TRAPPC10: variants seen among roughly 807,000 people sequenced by gnomAD.
TRAPPC10 encodes the protein trafficking protein particle complex subunit 10.
In TRAPPC10, 23 loss-of-function variants were observed where a neutral mutation model predicts 125.5. The observed-to-expected ratio is 0.18, with a 90% CI of 0.13 to 0.26. The LOEUF is 0.26. TRAPPC10 is among the 10% of genes least tolerant of loss of function. TRAPPC10 has a pLI of 1.00. For missense variants in TRAPPC10, 1,123 were observed against 1,308.4 expected (o/e 0.86, Z 2.19); for synonymous variants, 509 against 518.0 (o/e 0.98, Z 0.24).
chr21:44,071,951 C>T (rs865935529), intron 7 of TRAPPC10, among the ~76,000 whole-genome samples: 1 of 152,146 alleles, frequency 6.6e-6, no homozygotes, highest in South Asian at 2.1e-4. Flanking sequence ...CCTGCCTGCT[C>T]TCTCCCACCT....
At position 44,052,422 on chromosome 21, in the gene TRAPPC10, G is replaced by A; in HGVS notation, c.428G>A (p.Arg143Gln). 1.2e-6 allele frequency: 2 copies of A among 1,613,302 alleles called. No individual in the cohort carries two copies. The highest frequency in any genetic ancestry group is 1.7e-6 in the Non-Finnish European group (2 of 1,179,854). The part of the protein sequence containing the change: ...KKKNKTNILP[R>Q]TSIVDKIRND... ...AAAAACAAAACCAACATCCTTCCCCGAACCTCTATTGTGGACAAAATAAGA... is the reference window on the plus strand; with the variant it reads ...AAAAACAAAACCAACATCCTTCCCCAAACCTCTATTGTGGACAAAATAAGA... Residue 143 changes from arginine (R) to glutamine (Q), a missense_variant, in exon 4 of 23, where the codon CGA (arginine) becomes CAA (glutamine). By Grantham distance (43) the Arg-to-Gln change is conservative. Transcript: ENST00000291574.
At chr21:44,036,224 C>A (rs1319799342) in intron 2 of TRAPPC10, among the ~76,000 whole-genome samples, 1 of 152,152 alleles carries the variant, frequency 6.6e-6, no homozygotes, top group African/African-American at 2.4e-5. Context: ...GAAGAAGAAC[C>A]AAGTAGACAG....
At chr21:44,015,374 T>G (rs2031703134) in intron 1 of TRAPPC10, among the ~76,000 whole-genome samples, 1 of 152,172 alleles carries the variant, frequency 6.6e-6, no homozygotes, top group Non-Finnish European at 1.5e-5. Context: ...GTAATTAGAA[T>G]AGATTATTAC....
intron 3 of TRAPPC10, among the ~76,000 whole-genome samples, chr21:44,038,501 C>T (rs561451371): frequency 6.6e-6 from 1 of 151,952 alleles, no homozygotes; most frequent in East Asian, 2.0e-4. Flanking sequence ...AGGAGGCGCC[C>T]CGTGACTCTC....
rs560661048 is a variant in TRAPPC10, at chr21:44,083,005, G to T, written c.1941G>T (p.Lys647Asn). 224 of 1,614,076 alleles carry T rather than the reference G, an allele frequency of 1.4e-4. 3 individuals are homozygous for T. The South Asian group carries it at 2.4e-3, about 17-fold the overall frequency. Residue 647 changes from lysine (K) to asparagine (N), a missense_variant, in exon 14 of 23, where the codon AAG (lysine) becomes AAT (asparagine). Transcript: ENST00000291574. ...GGAAGACTGCGGAGTGGCTTACCAA[G>T]CACAAGACGTCCAATGGGATCATTA... Reference protein sequence around the residue: ...SYRKTAEWLTKHKTSNGIINF... With the variant: ...SYRKTAEWLTNHKTSNGIINF...
At chr21:44,043,094 A>G (rs1326100677) in intron 3 of TRAPPC10, among the ~76,000 whole-genome samples, 1 of 151,964 alleles carries the variant, frequency 6.6e-6, no homozygotes, top group Admixed American at 6.6e-5. Context: ...TTCTCCACTT[A>G]CTGGGAATGT....
At chr21:44,052,226 A>G (rs2035280299) in intron 3 of TRAPPC10, 54 bp from the exon 4 acceptor site, 1 of 1,452,386 alleles carries the variant, frequency 6.9e-7, no homozygotes, top group Non-Finnish European at 9.3e-7. Context: ...ATTTTGCTGT[A>G]TAAACTAAAG....
chr21:44,086,486 G>A (rs941043843), intron 15 of TRAPPC10, among the ~76,000 whole-genome samples: 2 of 152,122 alleles, frequency 1.3e-5, no homozygotes, highest in Non-Finnish European at 2.9e-5. Context: ...ACTACTAATG[G>A]GCAGGCAAAT....
intron 3 of TRAPPC10, among the ~76,000 whole-genome samples, chr21:44,039,721 T>C (rs1381781497): frequency 6.6e-6 from 1 of 152,050 alleles, no homozygotes; most frequent in Non-Finnish European, 1.5e-5. Context: ...AAAAATTAGC[T>C]GGGCGTGGTG....
chr21:44,078,832 A>G (rs980185900), intron 11 of TRAPPC10, among the ~76,000 whole-genome samples: 5 of 152,204 alleles, frequency 3.3e-5, no homozygotes, highest in African/African-American at 9.7e-5. Flanking sequence ...AGTCCCAGCT[A>G]CAGTGGAGGA....
intron 15 of TRAPPC10, 97 bp from the exon 16 acceptor site, chr21:44,086,705 T>A: frequency 7.5e-7 from 1 of 1,327,348 alleles, no homozygotes; most frequent in Non-Finnish European, 1.1e-6. Context: ...AAATCTTTCA[T>A]AGTAAAAGAA....
In TRAPPC10 at chr21:44,056,102, C is replaced by A. The variant is rs576449863; in HGVS notation, c.678+209C>A. Among the ~76,000 whole-genome samples the A allele has an allele frequency of 3.9e-4, 59 of 152,148 alleles. 1 individual carries two copies. The highest frequency in any genetic ancestry group is 1.3e-3 in the African/African-American group (55 of 41,500). Reference sequence around the variant, plus strand: ...CATGAAAAGGACACACACACTGCCCCGGGGAGCCTCTGGGGGCAAAAGCTG... The same window carrying A: ...CATGAAAAGGACACACACACTGCCCAGGGGAGCCTCTGGGGGCAAAAGCTG... On this transcript the variant is annotated intron_variant, in intron 5 of 22. Transcript: ENST00000291574.
chr21:44,096,164 A>G (rs1284265332), intron 20 of TRAPPC10, among the ~76,000 whole-genome samples: 1 of 18,154 alleles, frequency 5.5e-5, no homozygotes, highest in Non-Finnish European at 1.2e-4. Context: ...CGTGTGGCCC[A>G]TTTTTCTGCC....
At chr21:44,074,895 T>A in intron 8 of TRAPPC10, 144 bp from the exon 9 acceptor site, 1 of 656,922 alleles carries the variant, frequency 1.5e-6, no homozygotes, top group Non-Finnish European at 2.6e-6. Context: ...TAGGATGTAT[T>A]TTTGTATCCA....
intron 6 of TRAPPC10, among the ~76,000 whole-genome samples, chr21:44,061,484 G>A (rs1390665423): frequency 6.6e-6 from 1 of 151,650 alleles, no homozygotes; most frequent in African/African-American, 2.4e-5. Context: ...GGCCAGGCTG[G>A]TCTCGATCTC....
chr21:44,092,525 G>A (rs371053129), intron 19 of TRAPPC10, among the ~76,000 whole-genome samples: 1 of 152,150 alleles, frequency 6.6e-6, no homozygotes, highest in African/African-American at 2.4e-5. Flanking sequence ...TATCTTTCAC[G>A]TGTGTTTTTA....
chr21:44,087,813 T>C lies in TRAPPC10; in HGVS notation c.2654T>C (p.Leu885Ser), dbSNP rs2038248219. The C allele has an allele frequency of 6.2e-7, 1 of 1,614,190 alleles. No homozygotes were observed. Residue 885 changes from leucine to serine, a missense_variant, in exon 17 of 23, where the codon TTA becomes TCA. Physicochemically the swap from Leu to Ser is moderately radical, Grantham distance 145 (BLOSUM62 -2). This residue lies in a region of TRAPPC10 where 840 missense variants were observed against 902.0 expected (regional missense o/e 0.93). Transcript: ENST00000291574. The surrounding 1 kb of genome is among the most constrained non-coding windows in gnomAD (Gnocchi z 4.6). ...VIEFELEVLS[L>S]PSAPALGGES... is the part of the protein sequence containing the mutation. The stretch of plus-strand genomic sequence containing the variant: ...GAATTTGAACTGGAAGTTCTCTCTT[T>C]ACCTTCAGCCCCAGCACTCGGAGGG...
intron 5 of TRAPPC10, among the ~76,000 whole-genome samples, chr21:44,057,383 TCCATCTCC>T (rs1569176582): frequency 1.3e-5 from 2 of 151,872 alleles, no homozygotes; most frequent in Non-Finnish European, 1.5e-5. Flanking sequence ...CACTGCAACC[TCCATCTCC>T]CAGGTTTAAG....
chr21:44,063,812 C>G lies in TRAPPC10; in HGVS notation c.1038+27C>G. On this transcript the variant is annotated intron_variant, in intron 7 of 22. Transcript: ENST00000291574. The surrounding 1 kb of genome is among the most constrained non-coding windows in gnomAD (Gnocchi z 4.4). ...TGAGTCGGCTGTTTTCCCAATTTAC[C>G]CGTTTCTTGATTGTTCCAGCAGAAA... The G allele has an allele frequency of 6.2e-7, 1 of 1,601,820 alleles. No homozygotes were observed. Among genetic ancestry groups the G allele is most frequent in the Non-Finnish European group, 8.5e-7 (1 of 1,173,408 alleles).
Sources: gnomAD v4.1 joint callset for allele counts (sites outside exome capture counted in the v4.1 genomes callset) on GRCh38, gnomAD v4.1.1 for gene constraint, gnomAD v4.1.1 regional missense constraint, Gnocchi (gnomAD v3.1) non-coding constraint, MANE v1.5 for transcripts, NCBI Gene and HGNC (gene_info 2026-07-23, HGNC 2026-07-21) for gene names.